Variants in WDR93 observed in about 807,000 individuals in gnomAD.
WDR93 encodes the protein WD repeat-containing protein 93.
In WDR93, 73 loss-of-function variants were observed where a neutral mutation model predicts 82.9. The observed-to-expected ratio is 0.88, with a 90% confidence interval of 0.73 to 1.07. The LOEUF (loss-of-function observed/expected upper bound fraction) is 1.07, where lower values mean the gene tolerates loss of function less well. Among genes scored for constraint, WDR93 ranks in the 50% least tolerant of loss-of-function variants. WDR93 has a pLI of 0.00. For missense variants in WDR93, 738 were observed against 826.0 expected, an observed-to-expected ratio of 0.89 and a Z score of 1.31; for synonymous variants, 283 against 300.1, an observed-to-expected ratio of 0.94 and a Z score of 0.59.
chr15:89,723,360 T>C (rs1180395005), intron 8 of WDR93, among the ~76,000 whole-genome samples: 1 of 151,928 alleles, frequency 6.6e-6, no homozygotes, highest in Non-Finnish European at 1.5e-5. Flanking sequence ...GAGGATCACT[T>C]GAGCCTAGGA....
chr15:89,702,653 C>T (rs1359956042), intron 2 of WDR93, among the ~76,000 whole-genome samples: 1 of 152,022 alleles, frequency 6.6e-6, no homozygotes, highest in African/African-American at 2.4e-5. Context: ...ATTCTCCTGC[C>T]TCAGCCTCCC....
At chr15:89,714,791 A>C (rs1483483476) in intron 5 of WDR93, among the ~76,000 whole-genome samples, 189 bp from the exon 6 acceptor site, 1 of 152,154 alleles carries the variant, frequency 6.6e-6, no homozygotes, top group Non-Finnish European at 1.5e-5. Context: ...TCCATGGGAA[A>C]GTTATGTGGG....
At chr15:89,712,654 G>A (rs1411281933) in intron 5 of WDR93, among the ~76,000 whole-genome samples, 1 of 152,026 alleles carries the variant, frequency 6.6e-6, no homozygotes, top group African/African-American at 2.4e-5. Context: ...TTTTCTCATT[G>A]CATCATATCA....
intron 4 of WDR93, among the ~76,000 whole-genome samples, chr15:89,706,114 G>C (rs1965715802): frequency 6.6e-6 from 1 of 152,108 alleles, no homozygotes; most frequent in African/African-American, 2.4e-5. Flanking sequence ...CACTGACAAA[G>C]AGAACACAGT....
At chr15:89,730,599 C>G (rs545406023) in intron 11 of WDR93, among the ~76,000 whole-genome samples, 2 of 152,080 alleles carry the variant, frequency 1.3e-5, no homozygotes, top group Non-Finnish European at 2.9e-5. Context: ...TGTTGTTTTA[C>G]AAATTTATGG....
At chr15:89,731,773 TTTA>T (rs1966861546) in intron 12 of WDR93, among the ~76,000 whole-genome samples, 1 of 152,190 alleles carries the variant, frequency 6.6e-6, no homozygotes, top group Non-Finnish European at 1.5e-5. Context: ...TGCCCATGTG[TTTA>T]TTGAGTGACT....
At chr15:89,733,364 A>G (rs562606264) in intron 13 of WDR93, 145 bp downstream of exon 13, 6 of 743,336 alleles carry the variant, frequency 8.1e-6, no homozygotes, top group Admixed American at 2.9e-5. Context: ...AAGATCACCA[A>G]TGTCACATAT....
chr15:89,732,970 C>G, intron 12 of WDR93, 36 bp from the exon 13 acceptor site: 1 of 1,604,510 alleles, frequency 6.2e-7, no homozygotes, highest in Non-Finnish European at 8.5e-7. Context: ...TCCCCTACCC[C>G]GTTTTCTGAC....
chr15:89,713,124 T>TA (rs77944900), intron 5 of WDR93, among the ~76,000 whole-genome samples: 3,252 of 97,556 alleles, frequency 0.033, 92 homozygotes, highest in Non-Finnish European at 0.047. Flanking sequence ...AACTCCATCT[T>TA]AAAAAAAAAA....
chr15:89,696,745 T>C (rs1965197501), intron 1 of WDR93, among the ~76,000 whole-genome samples: 1 of 152,168 alleles, frequency 6.6e-6, no homozygotes, highest in Non-Finnish European at 1.5e-5. Flanking sequence ...TCTGCCTGCC[T>C]TGGCCTCCCA....
At chr15:89,717,020 TTTTTC>T (rs1220378915) in intron 7 of WDR93, 71 bp downstream of exon 7, 49 of 919,082 alleles carry the variant, frequency 5.3e-5, no homozygotes, top group African/African-American at 9.0e-5. Flanking sequence ...AAAATTATTA[TTTTTC>T]TTTTCTTTTC....
chr15:89,731,612 A>G, intron 12 of WDR93, 50 bp downstream of exon 12: 1 of 1,610,974 alleles, frequency 6.2e-7, no homozygotes, highest in Non-Finnish European at 8.5e-7. Context: ...ACTCTGGGCA[A>G]TGAGTCTGGG....
chr15:89,703,814 T>G (rs1253826823), intron 3 of WDR93: 1 of 152,700 alleles, frequency 6.5e-6, no homozygotes, highest in Non-Finnish European at 1.5e-5. Context: ...CACTTGGAGA[T>G]CATCTGTGAA....
At chr15:89,705,662 G>A (rs754626914) in intron 4 of WDR93, 44 bp downstream of exon 4, 23 of 1,260,090 alleles carry the variant, frequency 1.8e-5, no homozygotes, top group South Asian at 1.7e-4. Context: ...AAAAGCTGTA[G>A]CAAATTAAGT....
chr15:89,723,250 C>T (rs941988819), intron 8 of WDR93, among the ~76,000 whole-genome samples: 3 of 150,634 alleles, frequency 2.0e-5, no homozygotes, highest in African/African-American at 7.3e-5. Context: ...ATCTGGTACA[C>T]TCATACAAAA....
chr15:89,709,494 T>G (rs1186242791), intron 4 of WDR93, among the ~76,000 whole-genome samples: 1 of 151,682 alleles, frequency 6.6e-6, no homozygotes, highest in Non-Finnish European at 1.5e-5. Flanking sequence ...AGAAAATACC[T>G]GTTTTATATA....
chr15:89,726,856 G>GC (rs1406974542), intron 8 of WDR93, among the ~76,000 whole-genome samples: 1 of 151,994 alleles, frequency 6.6e-6, no homozygotes, highest in Non-Finnish European at 1.5e-5. Context: ...ACATTTCCCT[G>GC]CCCCACCGCC....
rs578127058 is a variant in WDR93, at chr15:89,703,062, A to G, written c.416A>G (p.Glu139Gly). 65 of 1,614,216 alleles carry G rather than the reference A, an allele frequency of 4.0e-5. 2 individuals are homozygous for G. The South Asian group carries it at 6.4e-4, about 16-fold the overall frequency. ...LYSAKQIYAW[E>G]KLKVDVTSIW... ...AGTGCTAAACAAATATATGCGTGGGAGAAGCTTAAGGTTGATGTCACTTCC... is the reference window on the plus strand; with the variant it reads ...AGTGCTAAACAAATATATGCGTGGGGGAAGCTTAAGGTTGATGTCACTTCC... Residue 139 changes from glutamate to glycine, a missense_variant, in exon 3 of 17, where the codon GAG (glutamate) becomes GGG (glycine). Physicochemically the swap from Glu to Gly is moderately conservative, Grantham distance 98 (BLOSUM62 -2). Transcript: ENST00000268130.
chr15:89,703,198 T>C (rs1299784406), intron 3 of WDR93, 56 bp downstream of exon 3: 3 of 1,588,902 alleles, frequency 1.9e-6, no homozygotes, highest in African/African-American at 1.3e-5. Flanking sequence ...TAGACTGTTG[T>C]CAATTTAATC....
Sources: gnomAD v4.1 joint callset for allele counts (sites outside exome capture counted in the v4.1 genomes callset) on GRCh38, gnomAD v4.1.1 for gene constraint, MANE v1.5 for transcripts, NCBI Gene and HGNC (gene_info 2026-07-23, HGNC 2026-07-21) for gene names.